The following VAV3 variants were observed in gnomAD, a reference collection of about 807,000 sequenced individuals.
VAV3 encodes the protein vav guanine nucleotide exchange factor 3, also known as guanine nucleotide exchange factor VAV3.
In VAV3, 94 loss-of-function variants were observed where a neutral mutation model predicts 131.2. The observed-to-expected ratio is 0.72, with a 90% CI of 0.61 to 0.85. VAV3 has a LOEUF of 0.85. Among genes scored for constraint, VAV3 ranks in the 40% least tolerant of loss-of-function variants. VAV3 has a pLI of 0.00. For synonymous variants in VAV3, 349 were observed against 342.0 expected (o/e 1.02, Z -0.22); for missense variants, 939 against 1,002.7 (o/e 0.94, Z 0.86).
intron 2 of VAV3, among the ~76,000 whole-genome samples, chr1:107,806,835 T>C (rs59093593): frequency 0.083 from 12,640 of 152,174 alleles, 778 homozygotes; most frequent in East Asian, 0.27. Flanking sequence ...GATAACAAAA[T>C]CTACAGATTC....
intron 1 of VAV3, among the ~76,000 whole-genome samples, chr1:107,909,176 G>A (rs560697607): frequency 8.6e-5 from 13 of 152,008 alleles, no homozygotes; most frequent in Non-Finnish European, 1.8e-4. Flanking sequence ...TTTTCATTCA[G>A]TGGTTATACT....
intron 2 of VAV3, among the ~76,000 whole-genome samples, chr1:107,855,223 A>G (rs1030207762): frequency 1.3e-5 from 2 of 152,134 alleles, no homozygotes; most frequent in African/African-American, 4.8e-5. Flanking sequence ...ACAGCATTCT[A>G]CTGTCTGTCA....
chr1:107,956,617 TAAAG>T (rs1674829911), intron 1 of VAV3, among the ~76,000 whole-genome samples: 1 of 152,114 alleles, frequency 6.6e-6, no homozygotes, highest in Non-Finnish European at 1.5e-5. Context: ...AATAAAACCA[TAAAG>T]AGAGTTTTGA....
At position 107,646,690 on chromosome 1, in the gene VAV3, G is replaced by C. The variant is rs191302179; in HGVS notation, c.1778-3935C>G. On this transcript the variant is annotated intron_variant, in intron 19 of 26. Transcript: ENST00000370056. ...TGCTCATTAACTTTTGCTCACATTA[G>C]TAATTGTGCTTGGTCTTACATCAGA... is the stretch of plus-strand genomic sequence containing the variant. 4.5e-4 allele frequency among the ~76,000 whole-genome samples: 69 copies of C among 152,080 alleles called. 1 individual carries two copies. The highest frequency in any genetic ancestry group is 3.2e-3 in the Admixed American group (49 of 15,240).
intron 25 of VAV3, among the ~76,000 whole-genome samples, chr1:107,595,852 G>C (rs1651335435): frequency 1.3e-5 from 2 of 152,104 alleles, no homozygotes; most frequent in Admixed American, 6.6e-5. Flanking sequence ...TACCAGCCCT[G>C]CTTAAATACT....
chr1:107,817,772 A>G (rs560477571), intron 2 of VAV3, among the ~76,000 whole-genome samples: 1 of 152,282 alleles, frequency 6.6e-6, no homozygotes, highest in Admixed American at 6.5e-5. Flanking sequence ...CAGAGCTAGC[A>G]TAAACCTATA....
At chr1:107,882,605 TC>T (rs1248894045) in intron 1 of VAV3, among the ~76,000 whole-genome samples, 2 of 152,134 alleles carry the variant, frequency 1.3e-5, no homozygotes, top group Non-Finnish European at 2.9e-5. Context: ...TTACTGGAGT[TC>T]CCTATTTCTG....
At chr1:107,816,035 T>C (rs1339793003) in intron 2 of VAV3, among the ~76,000 whole-genome samples, 2 of 152,164 alleles carry the variant, frequency 1.3e-5, no homozygotes, top group Non-Finnish European at 2.9e-5. Flanking sequence ...GTGCTGCCAC[T>C]GATCTGAGAG....
chr1:107,838,986 T>C (rs972545524), intron 2 of VAV3, among the ~76,000 whole-genome samples: 1 of 152,144 alleles, frequency 6.6e-6, no homozygotes, highest in East Asian at 1.9e-4. Context: ...AAAAACTACC[T>C]ATTGAGTACT....
chr1:107,700,128 C>T (rs1445539152), intron 17 of VAV3, among the ~76,000 whole-genome samples: 2 of 152,124 alleles, frequency 1.3e-5, no homozygotes, highest in Non-Finnish European at 2.9e-5. Flanking sequence ...AGATAAGAAT[C>T]CTTATTTTTA....
intron 1 of VAV3, among the ~76,000 whole-genome samples, chr1:107,925,900 A>ATATGT (rs139278281): frequency 6.7e-6 from 1 of 149,758 alleles, no homozygotes; most frequent in Non-Finnish European, 1.5e-5. Context: ...AACATATATG[A>ATATGT]TATATATGTT....
intron 2 of VAV3, among the ~76,000 whole-genome samples, chr1:107,824,881 G>C (rs924491739): frequency 1.3e-5 from 2 of 151,974 alleles, no homozygotes; most frequent in Non-Finnish European, 2.9e-5. Context: ...AAAAGAAATA[G>C]AAGAACAGGA....
At chr1:107,636,215 T>C (rs1340067576) in intron 20 of VAV3, among the ~76,000 whole-genome samples, 1 of 152,194 alleles carries the variant, frequency 6.6e-6, no homozygotes, top group Non-Finnish European at 1.5e-5. Flanking sequence ...CAATAAACCA[T>C]AAGATTCTGG....
intron 1 of VAV3, among the ~76,000 whole-genome samples, chr1:107,919,057 A>C (rs900016928): frequency 6.6e-6 from 1 of 152,210 alleles, no homozygotes; most frequent in African/African-American, 2.4e-5. Flanking sequence ...TTTATTTACC[A>C]TTCATAAAAT....
chr1:107,768,111 C>A (rs1172160672), intron 7 of VAV3, among the ~76,000 whole-genome samples: 1 of 152,072 alleles, frequency 6.6e-6, no homozygotes, highest in African/African-American at 2.4e-5. Flanking sequence ...GGAAGAGCAA[C>A]AGAGCTCCGC....
At chr1:107,850,191 TACCATTTG>T (rs1382976939) in intron 2 of VAV3, among the ~76,000 whole-genome samples, 1 of 152,166 alleles carries the variant, frequency 6.6e-6, no homozygotes, top group Non-Finnish European at 1.5e-5. Context: ...GAACTAGAAA[TACCATTTG>T]ACCCAGCAAT....
chr1:107,739,213 C>T lies in VAV3; in HGVS notation c.1502+9755G>A, dbSNP rs149517437. Among the ~76,000 whole-genome samples the T allele has an allele frequency of 3.4e-3, 523 of 152,260 alleles. 2 individuals are homozygous for T. The highest frequency in any genetic ancestry group is 0.012 in the African/African-American group (501 of 41,546). ...ACATAACCAGAGAAAAATGAGAGAG[C>T]TTGATCCTCACTAGGCAATAACAAA... On this transcript the variant is annotated intron_variant, in intron 15 of 26. Coordinates refer to ENST00000370056, the MANE Select transcript of VAV3 (RefSeq NM_006113.5).
chr1:107,632,141 C>G (rs536453784), intron 20 of VAV3, among the ~76,000 whole-genome samples: 7 of 152,224 alleles, frequency 4.6e-5, no homozygotes, highest in African/African-American at 1.7e-4. Context: ...TTTAATAATA[C>G]CAATTACCAA....
At chr1:107,710,441 A>G (rs2101875066) in intron 15 of VAV3, among the ~76,000 whole-genome samples, 1 of 152,320 alleles carries the variant, frequency 6.6e-6, no homozygotes, top group East Asian at 1.9e-4. Context: ...ATTCACACAC[A>G]TAGCTTTGTG....
Sources: gnomAD v4.1 joint callset for allele counts (sites outside exome capture counted in the v4.1 genomes callset) on GRCh38, gnomAD v4.1.1 for gene constraint, MANE v1.5 for transcripts, NCBI Gene and HGNC (gene_info 2026-07-23, HGNC 2026-07-21) for gene names.